Variants in FUT8 observed in about 807,000 individuals in gnomAD.
The protein encoded by FUT8 is fucosyltransferase 8.
FUT8 carries 29 observed loss-of-function variants against 71.3 expected under a neutral mutation model. That is an observed-to-expected ratio of 0.41 (90% confidence interval 0.30 to 0.55). The LOEUF (loss-of-function observed/expected upper bound fraction) is 0.55. Among genes scored for constraint, FUT8 ranks in the 20% least tolerant of loss-of-function variants. The pLI is 0.34. For missense variants in FUT8, 544 were observed against 702.1 expected (o/e 0.77, Z 2.55); for synonymous variants, 254 against 239.3 (o/e 1.06, Z -0.57).
the FUT8 span, among the ~76,000 whole-genome samples, chr14:65,395,163 G>A: frequency 1.3e-5 from 2 of 152,214 alleles, no homozygotes; most frequent in Non-Finnish European, 2.9e-5. Context: ...GGCTTTGCAT[G>A]GTACAGCCTC....
rs189360330 is a variant in FUT8 at position 65,639,678 on chromosome 14, T to C, written c.597+10072T>C. 2.1e-3 allele frequency among the ~76,000 whole-genome samples: 314 copies of C among 152,280 alleles called. 3 individuals are homozygous for C. Among genetic ancestry groups the C allele is most frequent in the South Asian group, 8.9e-3 (43 of 4,822 alleles). Reference sequence around the variant, plus strand: ...TCGTCATTCCTTTTTAGAAAACTTTTATTATGGAAAACTTTAACATGTATA... The same window carrying C: ...TCGTCATTCCTTTTTAGAAAACTTTCATTATGGAAAACTTTAACATGTATA... On this transcript the variant is annotated intron_variant, in intron 6 of 10. Transcript: ENST00000673929.
chr14:65,439,954 G>GTGTGTATATA lies in FUT8; in HGVS notation c.-325-15666_-325-15665insGTGTATATAT. Among the ~76,000 whole-genome samples the GTGTGTATATA allele has an allele frequency of 9.8e-3, 733 of 74,814 alleles. 15 individuals are homozygous for GTGTGTATATA. Among genetic ancestry groups the GTGTGTATATA allele is most frequent in the East Asian group, 0.053 (85 of 1,606 alleles). 49.1% of individuals were successfully genotyped at this position (74,814 alleles called of 152,430 possible). A position where few individuals can be genotyped will look rare whatever the true frequency, so the allele number is the denominator to read the frequency against. ...ATAAAGAAAATGTGTGTGTGTGTGT[G>GTGTGTATATA]TATATATATATATATATATATATAT... is the stretch of plus-strand genomic sequence containing the variant. On this transcript the variant is annotated intron_variant, in intron 1 of 10. Transcript: ENST00000673929.
Position 65,724,153 on chromosome 14 carries a change from T to C in FUT8, c.1089T>C (p.His363=). The C allele has an allele frequency of 1.9e-6, 3 of 1,590,968 alleles. No individual in the cohort carries two copies. In the East Asian group the frequency reaches 6.8e-5, roughly 36 times the overall value. Residue 363 remains histidine, a synonymous_variant, in exon 9 of 11, where the codon CAT becomes CAC. Transcript: ENST00000673929. The stretch of plus-strand genomic sequence containing the variant: ...ATCTGAATTTCTCCCCCAGAGTCCA[T>C]GTCAGACGCACAGACAAAGTGGGAA... ...LGFKHPVIGV[H]VRRTDKVGTE...
At chr14:65,599,064 C>T (rs960322838) in intron 3 of FUT8, among the ~76,000 whole-genome samples, 4 of 152,222 alleles carry the variant, frequency 2.6e-5, no homozygotes, top group Admixed American at 6.5e-5. Context: ...GCTGGGATTA[C>T]AGGTGTGAGT....
chr14:65,629,873 T>C (rs1890096768), intron 6 of FUT8, among the ~76,000 whole-genome samples: 2 of 151,410 alleles, frequency 1.3e-5, no homozygotes, highest in East Asian at 3.9e-4. Flanking sequence ...AATACAAATA[T>C]AACATCTTAC....
intron 1 of FUT8, among the ~76,000 whole-genome samples, chr14:65,446,678 C>CTTTTTTTTTTTTTTTTTTTT (rs11378151): frequency 7.4e-6 from 1 of 134,264 alleles, no homozygotes; most frequent in Non-Finnish European, 1.6e-5. Flanking sequence ...TGTTTTAGGG[C>CTTTTTTTTTTTTTTTTTTTT]TTTTTTTTTT....
intron 2 of FUT8, among the ~76,000 whole-genome samples, chr14:65,514,674 G>A (rs542655295): frequency 6.6e-6 from 1 of 151,582 alleles, no homozygotes; most frequent in African/African-American, 2.4e-5. Flanking sequence ...ACAAAACTTA[G>A]TCAAGTCAAA....
chr14:65,437,789 G>A (rs778246541), intron 1 of FUT8, among the ~76,000 whole-genome samples: 4 of 152,164 alleles, frequency 2.6e-5, no homozygotes, highest in South Asian at 4.1e-4. Context: ...TGTGCTTTAT[G>A]GATGCAAGGA....
chr14:65,413,114 C>T lies in FUT8; in HGVS notation c.-426C>T, dbSNP rs2065162383. On this transcript the variant is annotated 5_prime_UTR_variant, in exon 1 of 11. Coordinates refer to ENST00000673929, the MANE Select transcript of FUT8 (RefSeq NM_001371533.1). The surrounding 1 kb of genome is among the most constrained non-coding windows in gnomAD (Gnocchi z 4.1). Reference sequence around the variant, plus strand: ...TCGGGAGTAGCATCCTCCACTCAGCCACCCTTCCCACTCCCCCATCGTGGG... The same window carrying T: ...TCGGGAGTAGCATCCTCCACTCAGCTACCCTTCCCACTCCCCCATCGTGGG... 1 of 152,788 alleles carries T rather than the reference C, an allele frequency of 6.5e-6. No individual in the cohort carries two copies. The highest frequency in any genetic ancestry group is 6.5e-5 in the Admixed American group (1 of 15,290). 9.5% of individuals were successfully genotyped at this position (152,788 alleles called of 1,614,324 possible).
chr14:65,364,191 A>G, the FUT8 span, among the ~76,000 whole-genome samples: 1 of 122,090 alleles, frequency 8.2e-6, no homozygotes, highest in African/African-American at 2.9e-5. Flanking sequence ...ATGAGATAAC[A>G]GATCCAAAAC....
At chr14:65,528,108 T>A (rs995758715) in intron 2 of FUT8, among the ~76,000 whole-genome samples, 2 of 152,336 alleles carry the variant, frequency 1.3e-5, no homozygotes, top group East Asian at 3.9e-4. Context: ...CTGCAGAAGT[T>A]TCTGCTGCCT....
At chr14:65,498,432 T>C (rs1256196519) in intron 2 of FUT8, among the ~76,000 whole-genome samples, 1 of 152,202 alleles carries the variant, frequency 6.6e-6, no homozygotes, top group Non-Finnish European at 1.5e-5. Context: ...TTAATATCTG[T>C]AGTTTTGTTC....
intron 3 of FUT8, among the ~76,000 whole-genome samples, chr14:65,585,765 C>A (rs916330382): frequency 6.6e-6 from 1 of 152,286 alleles, no homozygotes; most frequent in Non-Finnish European, 1.5e-5. Context: ...GAAATATTGG[C>A]GTTTGATTTC....
rs567206958 is a variant in FUT8 at position 65,582,433 on chromosome 14, A to G, written c.203+20667A>G. Among the ~76,000 whole-genome samples, 22 of 152,296 alleles carry G rather than the reference A, an allele frequency of 1.4e-4. No individual in the cohort carries two copies. The East Asian group carries it at 3.9e-3, about 27-fold the overall frequency. ...ATTTGCATCCTAAACTTAAGCCTTT[A>G]TGCTGAACAACCCACTATGCTTCAT... On this transcript the variant is annotated intron_variant, in intron 3 of 10. Transcript: ENST00000673929.
In FUT8 at chr14:65,413,731, A is replaced by G. The variant is rs557122225; in HGVS notation, c.-326+517A>G. On this transcript the variant is annotated intron_variant, in intron 1 of 10. Transcript: ENST00000673929. This position sits in a 1 kb window ranked among gnomAD's most constrained non-coding sequence, Gnocchi z 4.1. ...ACAAAGATCCGCGAGGGACTGATGC[A>G]GGGCAGTTAAAGGCTTGAGTGCAGC... Among the ~76,000 whole-genome samples the G allele has an allele frequency of 2.0e-4, 30 of 152,324 alleles. 1 individual carries two copies. In the East Asian group the frequency reaches 5.2e-3, roughly 26 times the overall value.
chr14:65,557,862 T>C (rs72714491), intron 2 of FUT8, among the ~76,000 whole-genome samples: 1 of 152,166 alleles, frequency 6.6e-6, no homozygotes, highest in African/African-American at 2.4e-5. Context: ...ATGTAATTTT[T>C]AAATATTTTT....
chr14:65,697,772 G>A (rs578066165), intron 7 of FUT8, among the ~76,000 whole-genome samples: 26 of 152,116 alleles, frequency 1.7e-4, no homozygotes, highest in Admixed American at 6.6e-5. Context: ...TCAGGAATTC[G>A]AGAGCATCCT....
Position 65,633,126 on chromosome 14 carries a change from C to T in FUT8, c.597+3520C>T, listed in dbSNP as rs941718392. 2.0e-5 allele frequency among the ~76,000 whole-genome samples: 3 copies of T among 151,834 alleles called. 1 individual carries two copies. The highest frequency in any genetic ancestry group is 2.9e-5 in the Non-Finnish European group (2 of 67,972). On this transcript the variant is annotated intron_variant, in intron 6 of 10. Transcript: ENST00000673929. ...CTCACTGCAACCTCCCTGCCTGATT[C>T]TCCTGCCTCAGCCTGCCGAGTGCCT...
intron 1 of FUT8, among the ~76,000 whole-genome samples, chr14:65,447,307 A>T (rs893483843): frequency 9.9e-5 from 15 of 151,142 alleles, no homozygotes; most frequent in African/African-American, 3.4e-4. Context: ...AAAAAAAAAA[A>T]CCCAAAAGAA....
Sources: gnomAD v4.1 joint callset for allele counts (sites outside exome capture counted in the v4.1 genomes callset) on GRCh38, gnomAD v4.1.1 for gene constraint, Gnocchi (gnomAD v3.1) non-coding constraint, MANE v1.5 for transcripts, NCBI Gene and HGNC (gene_info 2026-07-23, HGNC 2026-07-21) for gene names.